The following MARK1 variants were observed in gnomAD, a reference collection of about 807,000 sequenced individuals.
The protein encoded by MARK1 is microtubule affinity regulating kinase 1, also known as serine/threonine-protein kinase MARK1.
Under a neutral mutation model 96.3 loss-of-function variants are expected in MARK1, and 40 were observed. The observed-to-expected ratio is 0.42, with a 90% CI of 0.32 to 0.54. The LOEUF is 0.54. Among genes scored for constraint, MARK1 ranks in the 20% least tolerant of loss-of-function variants. The probability of loss-of-function intolerance (pLI) is 0.16; values close to 1 mark genes in which losing one functional copy is unlikely to be tolerated. For missense variants in MARK1, 719 were observed against 984.6 expected, an observed-to-expected ratio of 0.73 and a Z score of 3.61; for synonymous variants, 317 against 341.2, an observed-to-expected ratio of 0.93 and a Z score of 0.78.
chr1:220,612,721 A>G (rs1269323584), intron 6 of MARK1, among the ~76,000 whole-genome samples: 1 of 152,142 alleles, frequency 6.6e-6, no homozygotes, highest in Non-Finnish European at 1.5e-5. Flanking sequence ...TATGGACTTA[A>G]TGAATATACA....
chr1:220,626,441 C>T (rs1667339728), intron 9 of MARK1: 1 of 543,134 alleles, frequency 1.8e-6, no homozygotes, highest in Non-Finnish European at 3.7e-6. Flanking sequence ...GACGACAAGT[C>T]CTATGAGGCC....
intron 1 of MARK1, among the ~76,000 whole-genome samples, chr1:220,544,035 G>A (rs1661320559): frequency 6.6e-6 from 1 of 152,228 alleles, no homozygotes; most frequent in African/African-American, 2.4e-5. Flanking sequence ...CAATCCTTTT[G>A]TAGGTGATGA....
At chr1:220,576,120 T>A (rs1332158632) in intron 1 of MARK1, among the ~76,000 whole-genome samples, 4 of 150,286 alleles carry the variant, frequency 2.7e-5, no homozygotes, top group Non-Finnish European at 5.9e-5. Context: ...ACTTTTTAAT[T>A]TTAAAATAAC....
chr1:220,627,241 A>G (rs925616184), intron 9 of MARK1: 1 of 487,114 alleles, frequency 2.1e-6, no homozygotes, highest in Non-Finnish European at 4.2e-6. Context: ...TGACAAACGA[A>G]TTGCCTGTGA....
chr1:220,528,780 C>T lies in MARK1; in HGVS notation c.-43C>T, dbSNP rs551066857. ...TCGCCCCCCGGGGCCCGCACCACAG[C>T]CCGGCCGGCGAGACCCCGGCCAGAC... On this transcript the variant is annotated 5_prime_UTR_variant, in exon 1 of 18. Transcript: ENST00000366917. The T allele has an allele frequency of 4.5e-6, 7 of 1,540,124 alleles. No homozygotes were observed. The South Asian group carries it at 8.4e-5, about 18-fold the overall frequency.
chr1:220,541,512 G>A (rs1241120106), intron 1 of MARK1, among the ~76,000 whole-genome samples: 2 of 151,984 alleles, frequency 1.3e-5, no homozygotes, highest in African/African-American at 2.4e-5. Context: ...TCGAATGTAG[G>A]GTATTGAAAT....
intron 1 of MARK1, among the ~76,000 whole-genome samples, chr1:220,541,339 T>C (rs1055638507): frequency 6.6e-6 from 1 of 152,184 alleles, no homozygotes; most frequent in East Asian, 1.9e-4. Context: ...TTTTGTTATC[T>C]GTCCTGGAGA....
chr1:220,550,004 G>A (rs372797473), intron 1 of MARK1, among the ~76,000 whole-genome samples: 5 of 152,200 alleles, frequency 3.3e-5, no homozygotes, highest in South Asian at 2.1e-4. Context: ...CCCCACAGTC[G>A]TGATACAACT....
Position 220,614,273 on chromosome 1 carries a change from A to G in MARK1, c.496-1666A>G, listed in dbSNP as rs114763330. On this transcript the variant is annotated intron_variant, in intron 6 of 17. Transcript: ENST00000366917. ...ATCATCCTCCCACTTCAGCTTCCCAAAGTGCCGAGATTATAGGCATGAGTC... is the reference window on the plus strand; with the variant it reads ...ATCATCCTCCCACTTCAGCTTCCCAGAGTGCCGAGATTATAGGCATGAGTC... Among the ~76,000 whole-genome samples, 1,466 of 152,016 alleles carry G rather than the reference A, an allele frequency of 9.6e-3. 17 individuals carry two copies. The highest frequency in any genetic ancestry group is 0.034 in the African/African-American group (1,401 of 41,446).
At chr1:220,528,907 G>T in intron 1 of MARK1, 34 bp downstream of exon 1, 2 of 1,538,660 alleles carry the variant, frequency 1.3e-6, no homozygotes, top group East Asian at 2.5e-5. Flanking sequence ...GGAGCAGTGG[G>T]GGCGAGACCC....
chr1:220,653,069 T>C (rs1231756525), intron 15 of MARK1, 32 bp from the exon 16 acceptor site: 1 of 1,607,344 alleles, frequency 6.2e-7, no homozygotes, highest in South Asian at 1.1e-5. Flanking sequence ...TTGTCATTAT[T>C]CTGAATGATA....
intron 1 of MARK1, among the ~76,000 whole-genome samples, chr1:220,563,678 T>C (rs1052387921): frequency 4.6e-5 from 7 of 152,180 alleles, no homozygotes; most frequent in African/African-American, 1.4e-4. Flanking sequence ...TTGAAGAAGA[T>C]ATTATCATTC....
intron 1 of MARK1, among the ~76,000 whole-genome samples, chr1:220,540,627 T>C (rs1661072051): frequency 6.6e-6 from 1 of 152,246 alleles, no homozygotes; most frequent in Non-Finnish European, 1.5e-5. Flanking sequence ...TTTGTTGGAA[T>C]ATGATTATTC....
In MARK1 at chr1:220,618,520, T is replaced by C; in HGVS notation, c.763T>C (p.Leu255=). The C allele has an allele frequency of 6.2e-7, 1 of 1,614,168 alleles. No homozygotes were observed. The highest frequency in any genetic ancestry group is 8.5e-7 in the Non-Finnish European group (1 of 1,180,000). Residue 255 remains leucine, a synonymous_variant, in exon 8 of 18, where the codon TTG becomes CTG. Transcript: ENST00000366917. This position sits in a 1 kb window ranked among gnomAD's most constrained non-coding sequence, Gnocchi z 4.6. ...VILYTLVSGS[L]PFDGQNLKEL... is the part of the protein sequence containing the mutation. ...TCTCTATACATTAGTCAGTGGCTCC[T>C]TGCCTTTCGATGGCCAGAATTTAAA...
intron 10 of MARK1, 49 bp downstream of exon 10, chr1:220,631,183 G>A: frequency 1.5e-6 from 2 of 1,304,554 alleles, no homozygotes; most frequent in Non-Finnish European, 2.2e-6. Flanking sequence ...CAACAAGTAA[G>A]AGTCCTTTAG....
intron 3 of MARK1, among the ~76,000 whole-genome samples, chr1:220,595,678 G>A (rs1379541443): frequency 6.6e-6 from 1 of 152,214 alleles, no homozygotes; most frequent in Non-Finnish European, 1.5e-5. Context: ...GAAACCACCA[G>A]TGGATGTTAA....
At chr1:220,659,500 G>A (rs530498966) in intron 17 of MARK1, among the ~76,000 whole-genome samples, 1 of 152,244 alleles carries the variant, frequency 6.6e-6, no homozygotes, top group African/African-American at 2.4e-5. Context: ...CTGCCTCATA[G>A]GGTTGTTCTG....
In MARK1 at chr1:220,652,005, A is replaced by G. The variant is rs1484415589; in HGVS notation, c.1591A>G (p.Ser531Gly). 1 of 1,605,386 alleles carries G rather than the reference A, an allele frequency of 6.2e-7. No individual in the cohort carries two copies. The highest frequency in any genetic ancestry group is 8.5e-7 in the Non-Finnish European group (1 of 1,173,226). The change falls in exon 15 of 18, where the codon AGT becomes GGT. Residue 531 changes from serine to glycine, a missense_variant. By Grantham distance (56) the Ser-to-Gly change is moderately conservative. Around this residue, in one of 4 missense-constraint regions of MARK1, gnomAD observed 501 missense variants for 588.3 expected, o/e 0.85. Transcript: ENST00000366917. The stretch of plus-strand genomic sequence containing the variant: ...TGAAAGCCTTACGGAGATGTCTGTG[A>G]GTAGCATATCTTCTGCAGGCTCTTC... ...KDSSLTEMSV[S>G]SISSAGSSVA...
chr1:220,654,652 T>C lies in MARK1; in HGVS notation c.1988+1300T>C, dbSNP rs1239165167. On this transcript the variant is annotated intron_variant, in intron 16 of 17. Transcript: ENST00000366917. The surrounding 1 kb of genome is among the most constrained non-coding windows in gnomAD (Gnocchi z 4.0). ...TAGCCGGCCATCTGCAGGGTACTAG[T>C]CAGATTATCAGTAGTTTCTGCTTTT... Among the ~76,000 whole-genome samples, 1 of 152,220 alleles carries C rather than the reference T, an allele frequency of 6.6e-6. No individual in the cohort carries two copies. Among genetic ancestry groups the C allele is most frequent in the African/African-American group, 2.4e-5 (1 of 41,458 alleles).
Sources: gnomAD v4.1 joint callset for allele counts (sites outside exome capture counted in the v4.1 genomes callset) on GRCh38, gnomAD v4.1.1 for gene constraint, gnomAD v4.1.1 regional missense constraint, Gnocchi (gnomAD v3.1) non-coding constraint, MANE v1.5 for transcripts, NCBI Gene and HGNC (gene_info 2026-07-23, HGNC 2026-07-21) for gene names.